PEX5: variants seen among roughly 807,000 people sequenced by gnomAD.
PEX5 encodes the protein peroxisomal biogenesis factor 5, also known as PTS1 receptor.
Under a neutral mutation model 82.9 loss-of-function variants are expected in PEX5, and 52 were observed. That is an observed-to-expected ratio of 0.63 (90% CI 0.50 to 0.79). The LOEUF (loss-of-function observed/expected upper bound fraction) is 0.79, where lower values mean the gene tolerates loss of function less well. Among genes scored for constraint, PEX5 ranks in the 30% least tolerant of loss-of-function variants. The pLI, the probability that PEX5 is intolerant of heterozygous loss-of-function variation, is 0.00. For missense variants in PEX5, 719 were observed against 815.2 expected (o/e 0.88, Z 1.44); for synonymous variants, 300 against 318.8 (o/e 0.94, Z 0.63).
intron 17 of PEX5, among the ~76,000 whole-genome samples, chr12:7,217,365 C>A (rs1460912779): frequency 6.6e-6 from 1 of 152,224 alleles, no homozygotes; most frequent in African/African-American, 2.4e-5. Context: ...GATTGGCAAT[C>A]TGGGCGCTTC....
rs1317972093 is a variant in PEX5, at chr12:7,211,288, AC to A, written c.*1070del. 6.6e-6 allele frequency: 1 copy of A among 152,336 alleles called. No individual in the cohort carries two copies. Among genetic ancestry groups the A allele is most frequent in the Non-Finnish European group, 1.5e-5 (1 of 67,990 alleles). 9.4% of individuals were successfully genotyped at this position (152,336 alleles called of 1,614,324 possible). On this transcript the variant is annotated 3_prime_UTR_variant, in exon 16 of 16. Coordinates refer to ENST00000675855, the MANE Select transcript of PEX5 (RefSeq NM_001351132.2). ...GTCCCCTGCATGGGGAGATACACTAACCCCCAGAAATGACTGCTAAGCCTCT... is the reference window on the plus strand; with the variant it reads ...GTCCCCTGCATGGGGAGATACACTAACCCCAGAAATGACTGCTAAGCCTCT...
chr12:7,197,210 T>C (rs973973482), intron 5 of PEX5, among the ~76,000 whole-genome samples: 40 of 92,126 alleles, frequency 4.3e-4, no homozygotes, highest in Non-Finnish European at 5.6e-4. Flanking sequence ...ATATGTCATA[T>C]ATAATGTAAT....
intron 4 of PEX5, 89 bp from the exon 5 acceptor site, chr12:7,191,478 CAG>C (rs778235225): frequency 9.7e-5 from 155 of 1,594,280 alleles, no homozygotes; most frequent in South Asian, 9.3e-4. Context: ...ACAAAAGTAA[CAG>C]AGTGTTTTCA....
chr12:7,209,977 A>AG, intron 15 of PEX5, 45 bp from the exon 16 acceptor site: 2 of 1,607,244 alleles, frequency 1.2e-6, no homozygotes, highest in Non-Finnish European at 8.5e-7. Context: ...GCTTCCTTCC[A>AG]TTGTTGTTCA....
At chr12:7,206,530 C>T (rs1294805562) in intron 10 of PEX5, among the ~76,000 whole-genome samples, 1 of 152,066 alleles carries the variant, frequency 6.6e-6, no homozygotes, top group Non-Finnish European at 1.5e-5. Context: ...TCCAAAAACA[C>T]ACTTGTTTTC....
In PEX5 at chr12:7,218,234, G is replaced by A. The variant is rs142248021; in HGVS notation, c.*20-168G>A. ...TCCAGGATTCATATAGATGCTTAAT[G>A]GTCTTTCTTATATCAACTAAAGTAG... On this transcript the variant is annotated intron_variant, in intron 17 of 17. Transcript: ENST00000455147. 3.2e-3 allele frequency among the ~76,000 whole-genome samples: 484 copies of A among 152,182 alleles called. 2 individuals are homozygous for A. The highest frequency in any genetic ancestry group is 0.011 in the African/African-American group (451 of 41,512).
At chr12:7,198,304 T>G (rs1234786833) in intron 5 of PEX5, among the ~76,000 whole-genome samples, 1 of 152,228 alleles carries the variant, frequency 6.6e-6, no homozygotes, top group Admixed American at 6.5e-5. Context: ...GAGGGAACTG[T>G]AAACGTTCTG....
rs1182822375 is a variant in PEX5, at chr12:7,209,128, G to A, written c.1518G>A (p.Lys506=). The A allele has an allele frequency of 6.2e-7, 1 of 1,614,072 alleles. No homozygotes were observed. The highest frequency in any genetic ancestry group is 8.5e-7 in the Non-Finnish European group (1 of 1,180,020). ...TCAACCTGAGTGGGGAGTATGACAAGGCCGTGGACTGCTTCACAGCTGCCC... is the reference window on the plus strand; with the variant it reads ...TCAACCTGAGTGGGGAGTATGACAAAGCCGTGGACTGCTTCACAGCTGCCC... ...VLFNLSGEYD[K]AVDCFTAALS... is the part of the protein sequence containing the mutation. The change falls in exon 14 of 16, where the codon AAG becomes AAA. Residue 506 remains lysine, a synonymous_variant. Coordinates refer to ENST00000675855, the MANE Select transcript of PEX5 (RefSeq NM_001351132.2).
intron 5 of PEX5, among the ~76,000 whole-genome samples, chr12:7,193,371 C>G (rs1941519352): frequency 6.6e-6 from 1 of 151,678 alleles, no homozygotes; most frequent in Non-Finnish European, 1.5e-5. Context: ...GTAGCTGGGA[C>G]TACAGGCGTG....
At chr12:7,194,947 C>CGCA (rs2135953686) in intron 5 of PEX5, among the ~76,000 whole-genome samples, 1 of 152,252 alleles carries the variant, frequency 6.6e-6, no homozygotes, top group Non-Finnish European at 1.5e-5. Context: ...TGGTTTTCAC[C>CGCA]GCAGCCCCTA....
At chr12:7,206,277 A>G (rs750136745) in intron 10 of PEX5, among the ~76,000 whole-genome samples, 1 of 152,366 alleles carries the variant, frequency 6.6e-6, no homozygotes, top group East Asian at 1.9e-4. Flanking sequence ...ATACTTTGTG[A>G]CAAGTGAAAA....
In PEX5 at chr12:7,209,770, G is replaced by A. The variant is rs1338150492; in HGVS notation, c.1648G>A (p.Glu550Lys). ...AGTAGCTGCGTACCGCCGGGCCCTCGAGCTCCAGCCTGGCTATATCCGGTC... is the reference window on the plus strand; with the variant it reads ...AGTAGCTGCGTACCGCCGGGCCCTCAAGCTCCAGCCTGGCTATATCCGGTC... ...EAVAAYRRALELQPGYIRSRY... is the reference protein window; with the variant it reads ...EAVAAYRRALKLQPGYIRSRY... The change falls in exon 15 of 16, where the codon GAG (glutamate) becomes AAG (lysine). Residue 550 changes from glutamate (E) to lysine (K), a missense_variant. Glu to Lys is a moderately conservative substitution (Grantham distance 56). Coordinates refer to ENST00000675855, the MANE Select transcript of PEX5 (RefSeq NM_001351132.2). 8 of 1,614,000 alleles carry A rather than the reference G, an allele frequency of 5.0e-6. No homozygotes were observed. Among genetic ancestry groups the A allele is most frequent in the East Asian group, 2.2e-5 (1 of 44,870 alleles).
At chr12:7,202,955 G>A (rs1272850304) in intron 9 of PEX5, among the ~76,000 whole-genome samples, 2 of 152,024 alleles carry the variant, frequency 1.3e-5, no homozygotes, top group African/African-American at 2.4e-5. Flanking sequence ...TTAGGAGTTC[G>A]AGACCAGTCT....
Position 7,195,247 on chromosome 12 carries a change from G to T in PEX5, c.448+3547G>T, listed in dbSNP as rs932398149. On this transcript the variant is annotated intron_variant, in intron 5 of 15. Transcript: ENST00000675855. ...GTGCACATTTTGAGTGGGGTATTTG[G>T]TGTCTAGGTTATTCTCACTCTACTA... Among the ~76,000 whole-genome samples the T allele has an allele frequency of 4.6e-5, 7 of 152,286 alleles. No homozygotes were observed. The South Asian group carries it at 1.5e-3, about 32-fold the overall frequency.
downstream of PEX5, among the ~76,000 whole-genome samples, chr12:7,212,066 A>G (rs1160721118): frequency 6.6e-6 from 1 of 151,546 alleles, no homozygotes; most frequent in Non-Finnish European, 1.5e-5. Flanking sequence ...CCTGGGTTCA[A>G]GCGATTCTCC....
chr12:7,212,523 C>T (rs1424835505), downstream of PEX5, among the ~76,000 whole-genome samples: 2 of 140,294 alleles, frequency 1.4e-5, no homozygotes, highest in Non-Finnish European at 3.1e-5. Flanking sequence ...TAAAAGACAA[C>T]TGGGTAAGTA....
At chr12:7,198,984 A>G in intron 5 of PEX5, 27 bp from the exon 6 acceptor site, 1 of 1,308,982 alleles carries the variant, frequency 7.6e-7, no homozygotes, top group Non-Finnish European at 1.1e-6. Flanking sequence ...AACCTGTGTG[A>G]TTTCCCCACT....
chr12:7,214,401 G>A (rs2136291980), downstream of PEX5, among the ~76,000 whole-genome samples: 1 of 152,078 alleles, frequency 6.6e-6, no homozygotes, highest in African/African-American at 2.4e-5. Context: ...AAAAAATGAT[G>A]AGTTCATGTC....
At chr12:7,217,136 A>G (rs1413513174) in intron 17 of PEX5, among the ~76,000 whole-genome samples, 1 of 152,224 alleles carries the variant, frequency 6.6e-6, no homozygotes, top group African/African-American at 2.4e-5. Context: ...CATATTTAGT[A>G]GATTTGGGCA....
Sources: allele counts gnomAD v4.1 joint callset (sites outside exome capture counted in the v4.1 genomes callset), GRCh38; gene constraint gnomAD v4.1.1; transcripts MANE v1.5; gene names NCBI Gene and HGNC (gene_info 2026-07-23, HGNC 2026-07-21).